SLMAP: variants seen among roughly 807,000 people sequenced by gnomAD.
SLMAP encodes sarcolemmal membrane-associated protein.
Under a neutral mutation model 128.8 loss-of-function variants are expected in SLMAP, and 44 were observed. That is an observed-to-expected ratio of 0.34 (90% confidence interval 0.27 to 0.44). The LOEUF (loss-of-function observed/expected upper bound fraction) is 0.44, where lower values mean the gene tolerates loss of function less well. Among genes scored for constraint, SLMAP ranks in the 20% least tolerant of loss-of-function variants. SLMAP has a pLI of 1.00. For missense variants in SLMAP, 787 were observed against 985.3 expected (o/e 0.80, Z 2.69); for synonymous variants, 327 against 348.8 (o/e 0.94, Z 0.70).
chr3:57,903,503 AT>A, intron 17 of SLMAP, among the ~76,000 whole-genome samples: 1 of 152,236 alleles, frequency 6.6e-6, no homozygotes, highest in South Asian at 2.1e-4. Flanking sequence ...TACCAAGTGG[AT>A]CAGTGTGTCA....
chr3:57,859,534 G>A (rs894533764), intron 8 of SLMAP, among the ~76,000 whole-genome samples: 7 of 152,034 alleles, frequency 4.6e-5, no homozygotes, highest in African/African-American at 1.7e-4. Flanking sequence ...CAGCCTTGGT[G>A]ACAAAGAGAG....
intron 2 of SLMAP, among the ~76,000 whole-genome samples, chr3:57,813,090 G>A (rs1237713026): frequency 2.1e-5 from 3 of 146,024 alleles, no homozygotes; most frequent in Non-Finnish European, 3.0e-5. Context: ...CTTTCCGTTT[G>A]GATGCTTTTT....
intron 17 of SLMAP, among the ~76,000 whole-genome samples, chr3:57,904,252 T>C (rs962783189): frequency 6.6e-6 from 1 of 152,178 alleles, no homozygotes; most frequent in Non-Finnish European, 1.5e-5. Flanking sequence ...TGAGACCCTG[T>C]GTCTACCAAA....
chr3:57,911,304 C>T (rs1382130644), intron 19 of SLMAP, among the ~76,000 whole-genome samples: 2 of 152,190 alleles, frequency 1.3e-5, no homozygotes, highest in Non-Finnish European at 2.9e-5. Flanking sequence ...TTCCTACAAA[C>T]TTAGAAAGTC....
At chr3:57,786,696 A>G (rs528354627) in intron 2 of SLMAP, among the ~76,000 whole-genome samples, 2 of 146,874 alleles carry the variant, frequency 1.4e-5, no homozygotes, top group East Asian at 4.0e-4. Flanking sequence ...AGCTGGTATT[A>G]CAGGTGCCCA....
chr3:57,863,284 G>GA (rs1005719499), intron 10 of SLMAP, among the ~76,000 whole-genome samples: 24 of 149,286 alleles, frequency 1.6e-4, no homozygotes, highest in Admixed American at 3.3e-4. Flanking sequence ...TATAACTGAG[G>GA]AAAAAAAAAA....
At chr3:57,868,985 AT>A (rs979785683) in intron 13 of SLMAP, among the ~76,000 whole-genome samples, 3 of 138,586 alleles carry the variant, frequency 2.2e-5, no homozygotes, top group Non-Finnish European at 4.6e-5. Context: ...TATAATATAT[AT>A]TATATATGTG....
At chr3:57,794,165 C>T (rs932299160) in intron 2 of SLMAP, among the ~76,000 whole-genome samples, 1 of 151,818 alleles carries the variant, frequency 6.6e-6, no homozygotes, top group Admixed American at 6.6e-5. Context: ...TTATTTTCTC[C>T]CTATTCTGAA....
chr3:57,848,404 TTTCTTCCTTCTTTC>T (rs1412113477), intron 5 of SLMAP, among the ~76,000 whole-genome samples: 3 of 151,688 alleles, frequency 2.0e-5, no homozygotes, highest in East Asian at 1.9e-4. Flanking sequence ...CTTATTCTTC[TTTCTTCCTTCTTTC>T]TTCTTCCTTC....
intron 2 of SLMAP, chr3:57,800,969 A>T (rs1286034743): frequency 1.4e-5 from 4 of 288,696 alleles, no homozygotes; most frequent in Non-Finnish European, 2.7e-5. Flanking sequence ...ATACATATGC[A>T]TTGATCCTAC....
At chr3:57,878,356 A>G (rs2095652503) in intron 14 of SLMAP, among the ~76,000 whole-genome samples, 1 of 152,156 alleles carries the variant, frequency 6.6e-6, no homozygotes, top group African/African-American at 2.4e-5. Context: ...TTCAGAAGGG[A>G]AATAATTTTC....
rs140867123 is a variant in SLMAP at position 57,762,459 on chromosome 3, A to G, written c.198+4610A>G. On this transcript the variant is annotated intron_variant, in intron 2 of 24. Transcript: ENST00000671191. ...ATGTTCATTTTAGAATATCTGCAAA[A>G]TGTAGGCAGGTGGAAATCTAAGTGA... Among the ~76,000 whole-genome samples the G allele has an allele frequency of 2.6e-4, 39 of 152,290 alleles. No individual in the cohort carries two copies. In the East Asian group the frequency reaches 6.4e-3, roughly 25 times the overall value.
intron 21 of SLMAP, among the ~76,000 whole-genome samples, chr3:57,915,971 A>G (rs1394080847): frequency 2.6e-5 from 4 of 152,150 alleles, no homozygotes; most frequent in Non-Finnish European, 4.4e-5. Flanking sequence ...AGCCTGACCA[A>G]CGTGGAGAAA....
chr3:57,787,292 A>C (rs1404226249), intron 2 of SLMAP, among the ~76,000 whole-genome samples: 4 of 152,120 alleles, frequency 2.6e-5, no homozygotes, highest in Non-Finnish European at 5.9e-5. Context: ...TTCAATAATA[A>C]GTTTTTTTTC....
At chr3:57,831,674 C>T (rs542814129) in intron 3 of SLMAP, 144 bp downstream of exon 3, 3 of 508,934 alleles carry the variant, frequency 5.9e-6, no homozygotes, top group Admixed American at 8.6e-5. Flanking sequence ...TTAAAAGTCT[C>T]ATACTTTCCG....
intron 2 of SLMAP, among the ~76,000 whole-genome samples, chr3:57,796,076 C>T (rs2086665469): frequency 1.3e-5 from 2 of 152,012 alleles, no homozygotes; most frequent in South Asian, 4.2e-4. Context: ...TCTAAGAAGC[C>T]ATTGCCTAAT....
In SLMAP at chr3:57,831,316, T is replaced by A. The variant is rs576354896; in HGVS notation, c.199-67T>A. 1.7e-4 allele frequency: 202 copies of A among 1,187,974 alleles called. 1 individual carries two copies. The East Asian group carries it at 5.8e-3, about 34-fold the overall frequency. The allele number at this position is 1,187,974 out of a possible 1,614,324, so 73.6% of individuals were successfully genotyped here. A position where few individuals can be genotyped will look rare whatever the true frequency, so the allele number is the denominator to read the frequency against. ...GTTGGCAAAGCTGGAAGCATTTTTT[T>A]AAAAAGTACATTTGGAATTATTACT... On this transcript the variant is annotated intron_variant, in intron 2 of 24. Coordinates refer to ENST00000671191, the MANE Select transcript of SLMAP (RefSeq NM_001377540.1).
Position 57,868,754 on chromosome 3 carries a change from A to G in SLMAP, c.1238-2882A>G, listed in dbSNP as rs887632036. Among the ~76,000 whole-genome samples, 5 of 145,242 alleles carry G rather than the reference A, an allele frequency of 3.4e-5. No homozygotes were observed. In the Admixed American group the frequency reaches 3.6e-4, roughly 10 times the overall value. On this transcript the variant is annotated intron_variant, in intron 13 of 24. Coordinates refer to ENST00000671191, the MANE Select transcript of SLMAP (RefSeq NM_001377540.1). Reference sequence around the variant, plus strand: ...AATTTAAAAAAATTCTGGCAGCCACATTGTATTAGTCAGGGTTCTCTAGAG... The same window carrying G: ...AATTTAAAAAAATTCTGGCAGCCACGTTGTATTAGTCAGGGTTCTCTAGAG...
chr3:57,890,286 C>T (rs1349998206), intron 15 of SLMAP, 186 bp downstream of exon 15: 2 of 493,568 alleles, frequency 4.1e-6, no homozygotes, highest in East Asian at 6.1e-5. Context: ...GGTATCGTAA[C>T]TGGAATGTGT....
Sources: allele counts gnomAD v4.1 joint callset (sites outside exome capture counted in the v4.1 genomes callset), GRCh38; gene constraint gnomAD v4.1.1; transcripts MANE v1.5; gene names NCBI Gene and HGNC (gene_info 2026-07-23, HGNC 2026-07-21).